The following TRIM71 variants were observed in gnomAD, a reference collection of about 807,000 sequenced individuals.
TRIM71 encodes tripartite motif containing 71.
Under a neutral mutation model 61.2 loss-of-function variants are expected in TRIM71, and 9 were observed. That is an observed-to-expected ratio of 0.15 (90% CI 0.09 to 0.26). The LOEUF is 0.26. Among genes scored for constraint, TRIM71 ranks in the 10% least tolerant of loss-of-function variants. The pLI is 1.00. For missense variants in TRIM71, 998 were observed against 1,238.7 expected, an observed-to-expected ratio of 0.81 and a Z score of 2.92; for synonymous variants, 645 against 553.2, an observed-to-expected ratio of 1.17 and a Z score of -2.33.
At chr3:32,863,339 A>G (rs998112038) in intron 1 of TRIM71, among the ~76,000 whole-genome samples, 1 of 150,994 alleles carries the variant, frequency 6.6e-6, no homozygotes, top group Non-Finnish European at 1.5e-5. Flanking sequence ...AGCTGTGACT[A>G]TAGGCATGCC....
intron 1 of TRIM71, among the ~76,000 whole-genome samples, chr3:32,867,268 C>T (rs977269227): frequency 2.6e-5 from 4 of 151,850 alleles, no homozygotes; most frequent in Admixed American, 1.3e-4. Flanking sequence ...TACATGTGTA[C>T]GTTTAATACT....
rs543262116 is a variant in TRIM71 at position 32,892,765 on chromosome 3, G to A, written c.*954G>A. 6.6e-6 allele frequency: 1 copy of A among 152,292 alleles called. No individual in the cohort carries two copies. The highest frequency in any genetic ancestry group is 2.4e-5 in the African/African-American group (1 of 41,554). The allele number at this position is 152,292 out of a possible 1,614,324, so 9.4% of individuals were successfully genotyped here. On this transcript the variant is annotated 3_prime_UTR_variant, in exon 4 of 4. Coordinates refer to ENST00000383763, the MANE Select transcript of TRIM71 (RefSeq NM_001039111.3). ...TCTTATTTTGCTGTTAGGTTATAAA[G>A]GGTTAAATGGAAGGAAAAAGGAAAT...
intron 1 of TRIM71, among the ~76,000 whole-genome samples, chr3:32,871,120 A>G (rs920780822): frequency 2.6e-5 from 4 of 152,152 alleles, no homozygotes; most frequent in African/African-American, 9.7e-5. Flanking sequence ...TCTATTAGGT[A>G]GACTTTCTGG....
At chr3:32,879,661 C>T (rs1399538995) in intron 2 of TRIM71, among the ~76,000 whole-genome samples, 1 of 105,798 alleles carries the variant, frequency 9.5e-6, no homozygotes, top group African/African-American at 3.9e-5. Flanking sequence ...TGCCACAAAT[C>T]TTCAATTTCT....
chr3:32,822,579 C>A (rs60138182), intron 1 of TRIM71, among the ~76,000 whole-genome samples: 2,521 of 152,218 alleles, frequency 0.017, 66 homozygotes, highest in African/African-American at 0.057. Context: ...GTATTCAGCA[C>A]CAGTGTATAT....
intron 1 of TRIM71, among the ~76,000 whole-genome samples, chr3:32,833,634 T>TTTTTTTTA (rs1553643715): frequency 1.5e-4 from 22 of 146,788 alleles, no homozygotes; most frequent in South Asian, 1.1e-3. Flanking sequence ...GAGAATGCTT[T>TTTTTTTTA]TTTATTTATT....
intron 2 of TRIM71, among the ~76,000 whole-genome samples, chr3:32,874,787 G>C (rs760329792): frequency 1.0e-4 from 15 of 148,764 alleles, no homozygotes; most frequent in Admixed American, 3.3e-4. Context: ...GCCTCCCAAA[G>C]TACTGGGAGC....
intron 1 of TRIM71, 101 bp from the exon 2 acceptor site, chr3:32,873,717 C>G: frequency 8.7e-7 from 1 of 1,152,074 alleles, no homozygotes; most frequent in Non-Finnish European, 1.2e-6. Flanking sequence ...ATTGGGGAAG[C>G]TGGTCGTTCG....
Position 32,896,633 on chromosome 3 carries a change from C to A in TRIM71, c.*4822C>A, listed in dbSNP as rs964755178. 7.2e-5 allele frequency: 11 copies of A among 152,146 alleles called. No individual in the cohort carries two copies. The highest frequency in any genetic ancestry group is 2.7e-4 in the African/African-American group (11 of 41,420). 9.4% of individuals were successfully genotyped at this position (152,146 alleles called of 1,614,324 possible). ...TGGTGAAGAAATACCTCAATGATGT[C>A]TATTTTTAAAACTGATCTTACGGGT... On this transcript the variant is annotated 3_prime_UTR_variant, in exon 4 of 4. Transcript: ENST00000383763.
intron 2 of TRIM71, among the ~76,000 whole-genome samples, chr3:32,874,347 ACTACTACTACTACTACTACT>A (rs1214281908): frequency 3.6e-4 from 54 of 150,552 alleles, no homozygotes; most frequent in Middle Eastern, 3.4e-3. Flanking sequence ...TACTACTACT[ACTACTACTACTACTACTACT>A]ACAACATATT....
Position 32,836,494 on chromosome 3 carries a change from A to G in TRIM71, c.852+17562A>G, listed in dbSNP as rs9840034. On this transcript the variant is annotated intron_variant, in intron 1 of 3. Transcript: ENST00000383763. The stretch of plus-strand genomic sequence containing the variant: ...TTTTCTGAGGCCATAGTTTGCCTCC[A>G]TTTAGTTTAACTTGGTATACATTTT... Among the ~76,000 whole-genome samples the G allele has an allele frequency of 2.5e-3, 378 of 152,322 alleles. 1 individual carries two copies. The highest frequency in any genetic ancestry group is 8.8e-3 in the African/African-American group (366 of 41,568).
chr3:32,890,335 T>C lies in TRIM71; in HGVS notation c.1156-25T>C. 1 of 1,597,346 alleles carries C rather than the reference T, an allele frequency of 6.3e-7. No homozygotes were observed. Among genetic ancestry groups the C allele is most frequent in the South Asian group, 1.1e-5 (1 of 89,336 alleles). ...GCTTGGCTCTAAGCCTCTGTGTCTT[T>C]CTCCACTCTTGCTTTTCCCTCCAGG... On this transcript the variant is annotated intron_variant, in intron 3 of 3. Coordinates refer to ENST00000383763, the MANE Select transcript of TRIM71 (RefSeq NM_001039111.3). This position sits in a 1 kb window ranked among gnomAD's most constrained non-coding sequence, Gnocchi z 6.2.
chr3:32,852,561 T>A (rs1229340553), intron 1 of TRIM71, among the ~76,000 whole-genome samples: 1 of 152,158 alleles, frequency 6.6e-6, no homozygotes, highest in Non-Finnish European at 1.5e-5. Flanking sequence ...AAAGTCAGGC[T>A]TGTTAAACCC....
chr3:32,825,143 T>G (rs1696186292), intron 1 of TRIM71, among the ~76,000 whole-genome samples: 1 of 152,202 alleles, frequency 6.6e-6, no homozygotes, highest in African/African-American at 2.4e-5. Flanking sequence ...AAATGTCTAG[T>G]TTCCTCAAGT....
chr3:32,851,304 A>G (rs1270016799), intron 1 of TRIM71, among the ~76,000 whole-genome samples: 2 of 152,224 alleles, frequency 1.3e-5, no homozygotes, highest in Non-Finnish European at 2.9e-5. Flanking sequence ...GTGGAATACA[A>G]TGAACAAATG....
At chr3:32,882,844 A>G (rs1262879438) in intron 2 of TRIM71, among the ~76,000 whole-genome samples, 1 of 152,114 alleles carries the variant, frequency 6.6e-6, no homozygotes, top group Non-Finnish European at 1.5e-5. Context: ...ACCCGGCCCC[A>G]ATTTTTAATA....
intron 1 of TRIM71, among the ~76,000 whole-genome samples, chr3:32,831,477 C>T (rs1696269921): frequency 1.3e-5 from 2 of 150,932 alleles, no homozygotes; most frequent in Non-Finnish European, 2.9e-5. Flanking sequence ...ACTTTTCCTG[C>T]AAGTTGCAGC....
At chr3:32,845,536 TACTC>T (rs1208099922) in intron 1 of TRIM71, among the ~76,000 whole-genome samples, 3 of 152,156 alleles carry the variant, frequency 2.0e-5, no homozygotes, top group South Asian at 2.1e-4. Flanking sequence ...CTCTGGGGGT[TACTC>T]ACAGGTACAA....
At chr3:32,830,172 C>T (rs965747876) in intron 1 of TRIM71, among the ~76,000 whole-genome samples, 1 of 152,134 alleles carries the variant, frequency 6.6e-6, no homozygotes, top group African/African-American at 2.4e-5. Flanking sequence ...ATCCGCCTGT[C>T]TTGGCCTCCC....
Sources: allele counts gnomAD v4.1 joint callset (sites outside exome capture counted in the v4.1 genomes callset), GRCh38; gene constraint gnomAD v4.1.1; non-coding constraint Gnocchi (gnomAD v3.1); transcripts MANE v1.5; gene names NCBI Gene and HGNC (gene_info 2026-07-23, HGNC 2026-07-21).